LRRC4C: variants seen among roughly 807,000 people sequenced by gnomAD.
The protein encoded by LRRC4C is leucine rich repeat containing 4C.
In LRRC4C, 5 loss-of-function variants were observed where a neutral mutation model predicts 33.6. That is an observed-to-expected ratio of 0.15 (90% CI 0.08 to 0.31). LRRC4C has a LOEUF of 0.31. Among genes scored for constraint, LRRC4C ranks in the 10% least tolerant of loss-of-function variants. The pLI, the probability that LRRC4C is intolerant of heterozygous loss-of-function variation, is 1.00. For synonymous variants in LRRC4C, 329 were observed against 302.0 expected, an observed-to-expected ratio of 1.09 and a Z score of -0.93; for missense variants, 560 against 796.7, an observed-to-expected ratio of 0.70 and a Z score of 3.58.
intron 3 of LRRC4C, among the ~76,000 whole-genome samples, chr11:40,582,520 T>G (rs975225159): frequency 3.3e-4 from 50 of 149,554 alleles, no homozygotes; most frequent in African/African-American, 1.2e-3. Context: ...TCAGTTTTTT[T>G]TTTTTTTTTT....
At chr11:41,391,677 G>T (rs1425633617) in intron 1 of LRRC4C, among the ~76,000 whole-genome samples, 1 of 151,782 alleles carries the variant, frequency 6.6e-6, no homozygotes, top group Non-Finnish European at 1.5e-5. Context: ...CAAGGTGCAA[G>T]ATCAGTCTTA....
intron 3 of LRRC4C, among the ~76,000 whole-genome samples, chr11:40,362,775 C>G (rs1948017727): frequency 6.6e-6 from 1 of 152,126 alleles, no homozygotes; most frequent in South Asian, 2.1e-4. Context: ...AGACGCTTCT[C>G]AAAAGCAGAC....
chr11:40,913,207 T>G (rs145139829), intron 2 of LRRC4C, among the ~76,000 whole-genome samples: 1,991 of 152,256 alleles, frequency 0.013, 40 homozygotes, highest in African/African-American at 0.046. Flanking sequence ...CTAGTAGACA[T>G]CTACAGAACT....
intron 4 of LRRC4C, among the ~76,000 whole-genome samples, chr11:40,263,725 A>G (rs7944315): frequency 0.76 from 116,157 of 152,098 alleles, 44,722 homozygotes; most frequent in East Asian, 0.92. Flanking sequence ...TCACCGCAGG[A>G]AAGGCCATTC....
At chr11:41,279,912 C>G (rs766844348) in intron 1 of LRRC4C, among the ~76,000 whole-genome samples, 1 of 151,508 alleles carries the variant, frequency 6.6e-6, no homozygotes, top group Non-Finnish European at 1.5e-5. Context: ...ATCATTATAT[C>G]AAATATGAAC....
chr11:40,715,338 A>G (rs1020732014), intron 2 of LRRC4C, among the ~76,000 whole-genome samples: 1 of 152,236 alleles, frequency 6.6e-6, no homozygotes, highest in African/African-American at 2.4e-5. Flanking sequence ...CATAAAGACA[A>G]TAAAATGCCA....
chr11:40,932,638 A>G (rs1207609811), intron 2 of LRRC4C, among the ~76,000 whole-genome samples: 1 of 152,178 alleles, frequency 6.6e-6, no homozygotes, highest in Admixed American at 6.5e-5. Flanking sequence ...TATTTTGGAA[A>G]ATAGAGTATA....
intron 3 of LRRC4C, among the ~76,000 whole-genome samples, chr11:40,559,392 C>T (rs530974552): frequency 4.6e-5 from 7 of 152,100 alleles, no homozygotes; most frequent in African/African-American, 1.7e-4. Flanking sequence ...GCCATGTTGC[C>T]CAGGCTGCTG....
At position 41,242,938 on chromosome 11, in the gene LRRC4C, T is replaced by C. The variant is rs530499614; in HGVS notation, c.-496+216493A>G. On this transcript the variant is annotated intron_variant, in intron 1 of 6. Coordinates refer to ENST00000528697, the MANE Select transcript of LRRC4C (RefSeq NM_001258419.2). ...TCACACAGCTAATTAACTTGGTTTT[T>C]CTTAAAAGCAATACTGAGTGAGTTC... Among the ~76,000 whole-genome samples, 901 of 152,308 alleles carry C rather than the reference T, an allele frequency of 5.9e-3. 8 individuals carry two copies. Among genetic ancestry groups the C allele is most frequent in the African/African-American group, 0.02 (834 of 41,576 alleles).
intron 2 of LRRC4C, among the ~76,000 whole-genome samples, chr11:40,657,432 A>T (rs1364887750): frequency 6.6e-6 from 1 of 152,214 alleles, no homozygotes; most frequent in East Asian, 1.9e-4. Context: ...CCCCAAAATG[A>T]CTAAACTGAA....
intron 2 of LRRC4C, among the ~76,000 whole-genome samples, chr11:40,657,429 A>G (rs1943182544): frequency 6.6e-6 from 1 of 152,198 alleles, no homozygotes; most frequent in Non-Finnish European, 1.5e-5. Flanking sequence ...GGCCCCCAAA[A>G]TGACTAAACT....
intron 1 of LRRC4C, among the ~76,000 whole-genome samples, chr11:41,039,809 G>C (rs955365182): frequency 6.6e-6 from 1 of 152,008 alleles, no homozygotes; most frequent in Non-Finnish European, 1.5e-5. Context: ...GCCTCCATTA[G>C]TGATTTGATC....
intron 3 of LRRC4C, among the ~76,000 whole-genome samples, chr11:40,546,057 TCTTCCTTCCTTC>T (rs138499350): frequency 6.8e-6 from 1 of 146,042 alleles, no homozygotes; most frequent in African/African-American, 2.5e-5. Flanking sequence ...TTTCTCCAAG[TCTTCCTTCCTTC>T]CTTCCTTCCT....
chr11:40,752,799 T>G (rs751473226), intron 2 of LRRC4C, among the ~76,000 whole-genome samples: 13 of 152,086 alleles, frequency 8.5e-5, no homozygotes, highest in Admixed American at 1.3e-4. Flanking sequence ...TAAGTCGGTA[T>G]GTTAAAGAAT....
chr11:41,290,866 G>C (rs1949973500), intron 1 of LRRC4C, among the ~76,000 whole-genome samples: 1 of 152,116 alleles, frequency 6.6e-6, no homozygotes, highest in South Asian at 2.1e-4. Flanking sequence ...AGACCAAGAT[G>C]ATGGAGAGAC....
Position 40,633,340 on chromosome 11 carries a change from T to TC in LRRC4C, c.-270+14801dup. Reference sequence around the variant, plus strand: ...CAAGTTTTCTTTTTCTTTCTTTCTTTCTTTCTTTCTTTCTTTCTTTCTTTC... The same window carrying TC: ...CAAGTTTTCTTTTTCTTTCTTTCTTTCCTTTCTTTCTTTCTTTCTTTCTTTC... On this transcript the variant is annotated intron_variant, in intron 3 of 6. Coordinates refer to ENST00000528697, the MANE Select transcript of LRRC4C (RefSeq NM_001258419.2). 1.9e-4 allele frequency among the ~76,000 whole-genome samples: 6 copies of TC among 31,416 alleles called. No homozygotes were observed. In the South Asian group the frequency reaches 6.4e-3, roughly 33 times the overall value. The allele number at this position is 31,416 out of a possible 152,430, so 20.6% of individuals were successfully genotyped here.
At chr11:41,074,119 A>AT (rs1175296348) in intron 1 of LRRC4C, among the ~76,000 whole-genome samples, 1 of 152,168 alleles carries the variant, frequency 6.6e-6, no homozygotes, top group Non-Finnish European at 1.5e-5. Flanking sequence ...AATAGTCAAG[A>AT]TTTTTTTGTC....
At chr11:40,262,293 A>G (rs1450710717) in intron 4 of LRRC4C, among the ~76,000 whole-genome samples, 1 of 152,168 alleles carries the variant, frequency 6.6e-6, no homozygotes, top group African/African-American at 2.4e-5. Flanking sequence ...ATACCACCTC[A>G]CACCAGTCAG....
intron 3 of LRRC4C, among the ~76,000 whole-genome samples, chr11:40,392,127 G>T (rs1949361718): frequency 6.6e-6 from 1 of 152,134 alleles, no homozygotes; most frequent in South Asian, 2.1e-4. Flanking sequence ...GGTTGCTAGG[G>T]GTTTGTGGGG....
Sources: allele counts gnomAD v4.1 joint callset (sites outside exome capture counted in the v4.1 genomes callset), GRCh38; gene constraint gnomAD v4.1.1; transcripts MANE v1.5; gene names NCBI Gene and HGNC (gene_info 2026-07-23, HGNC 2026-07-21).